Variants in ANO2 observed in about 807,000 individuals in gnomAD.
ANO2 encodes anoctamin-2.
A neutral mutation model predicts 124.2 loss-of-function variants in ANO2; 101 were observed. That is an observed-to-expected ratio of 0.81 (90% CI 0.69 to 0.96). ANO2 has a LOEUF of 0.96. Among genes scored for constraint, ANO2 ranks in the 40% least tolerant of loss-of-function variants. The pLI is 0.00. For missense variants in ANO2, 1,293 were observed against 1,274.5 expected (o/e 1.01, Z -0.22); for synonymous variants, 486 against 482.5 (o/e 1.01, Z -0.09).
intron 23 of ANO2, among the ~76,000 whole-genome samples, chr12:5,565,926 A>C (rs568225597): frequency 2.4e-4 from 37 of 152,362 alleles, no homozygotes; most frequent in African/African-American, 7.2e-4. Context: ...CCCAAAGCTT[A>C]CTTTGGTGTC....
intron 14 of ANO2, among the ~76,000 whole-genome samples, chr12:5,714,725 T>A (rs577172471): frequency 2.0e-5 from 3 of 152,334 alleles, no homozygotes; most frequent in Admixed American, 2.0e-4. Context: ...TAGACACGAT[T>A]AAGAATTTAC....
At chr12:5,857,952 C>T (rs1470342236) in intron 3 of ANO2, among the ~76,000 whole-genome samples, 1 of 152,110 alleles carries the variant, frequency 6.6e-6, no homozygotes, top group African/African-American at 2.4e-5. Context: ...TGTTCTCCCT[C>T]ATATGTGGAA....
chr12:5,604,290 A>C (rs1944102789), intron 19 of ANO2, among the ~76,000 whole-genome samples: 2 of 152,100 alleles, frequency 1.3e-5, no homozygotes, highest in Non-Finnish European at 2.9e-5. Flanking sequence ...GATGAGGAGG[A>C]GGAGGAGGAG....
chr12:5,567,757 A>G (rs563870661), intron 23 of ANO2, among the ~76,000 whole-genome samples: 2 of 152,336 alleles, frequency 1.3e-5, no homozygotes, highest in Admixed American at 1.3e-4. Context: ...GTCCTCCCTC[A>G]GTGTCTAAAA....
chr12:5,635,100 G>T lies in ANO2; in HGVS notation c.1816+52C>A. ...TATTTTATCACCAAAAGCCTTGCAC[G>T]CATTGACTTAAAGAGGGCCTAGGAC... On this transcript the variant is annotated intron_variant, in intron 16 of 24. Coordinates refer to ENST00000682330, the MANE Select transcript of ANO2 (RefSeq NM_001364791.2). The surrounding 1 kb of genome is among the most constrained non-coding windows in gnomAD (Gnocchi z 5.2). 1.4e-6 allele frequency: 2 copies of T among 1,436,706 alleles called. No individual in the cohort carries two copies. The highest frequency in any genetic ancestry group is 1.9e-6 in the Non-Finnish European group (2 of 1,078,530). The allele number at this position is 1,436,706 out of a possible 1,614,324, so 89.0% of individuals were successfully genotyped here.
chr12:5,713,000 A>AT (rs1312472574), intron 14 of ANO2, among the ~76,000 whole-genome samples: 2 of 152,170 alleles, frequency 1.3e-5, no homozygotes, highest in Non-Finnish European at 2.9e-5. Context: ...GCATGAGAGG[A>AT]TTTTAATCAA....
chr12:5,682,101 G>A (rs915140476), intron 14 of ANO2, among the ~76,000 whole-genome samples: 13 of 152,190 alleles, frequency 8.5e-5, no homozygotes, highest in African/African-American at 3.1e-4. Context: ...ATGTAGATCA[G>A]TGGCTCTTGA....
intron 22 of ANO2, 142 bp from the exon 23 acceptor site, chr12:5,576,157 C>T: frequency 2.5e-6 from 2 of 810,110 alleles, no homozygotes; most frequent in Non-Finnish European, 3.6e-6. Flanking sequence ...GCTCATGCAG[C>T]TGAGTCACAT....
chr12:5,693,387 T>C (rs1050647085), intron 14 of ANO2, among the ~76,000 whole-genome samples: 28 of 152,300 alleles, frequency 1.8e-4, no homozygotes, highest in African/African-American at 6.7e-4. Flanking sequence ...TGATTTGCCT[T>C]TGAAACGTAG....
chr12:5,655,542 C>A (rs964900193), intron 14 of ANO2, among the ~76,000 whole-genome samples: 1 of 152,206 alleles, frequency 6.6e-6, no homozygotes, highest in Non-Finnish European at 1.5e-5. Context: ...CTCTCTTAAA[C>A]CATTTCCTTC....
At chr12:5,847,160 G>A (rs556615406) in intron 4 of ANO2, among the ~76,000 whole-genome samples, 118 of 152,252 alleles carry the variant, frequency 7.8e-4, no homozygotes, top group Non-Finnish European at 1.2e-3. Flanking sequence ...GTTGAAGGCC[G>A]GAATAGAACA....
At chr12:5,812,328 G>T (rs1372635251) in intron 7 of ANO2, among the ~76,000 whole-genome samples, 2 of 139,408 alleles carry the variant, frequency 1.4e-5, no homozygotes, top group African/African-American at 2.7e-5. Context: ...AGGGAGGGAG[G>T]GAGGGAAGGA....
intron 3 of ANO2, among the ~76,000 whole-genome samples, chr12:5,867,777 T>TG (rs1304235196): frequency 0.018 from 538 of 29,358 alleles, 5 homozygotes; most frequent in Non-Finnish European, 0.025. Flanking sequence ...AGCACTATAA[T>TG]GAAAAAAAAA....
At chr12:5,766,351 A>G (rs1283604403) in intron 10 of ANO2, among the ~76,000 whole-genome samples, 1 of 152,228 alleles carries the variant, frequency 6.6e-6, no homozygotes, top group African/African-American at 2.4e-5. Flanking sequence ...TAGTCACCCA[A>G]TGGAATATTA....
intron 19 of ANO2, among the ~76,000 whole-genome samples, chr12:5,604,728 C>G (rs972225027): frequency 6.6e-6 from 1 of 152,012 alleles, no homozygotes; most frequent in East Asian, 1.9e-4. Flanking sequence ...TCCTGGATAT[C>G]CCAGTGACCA....
intron 16 of ANO2, among the ~76,000 whole-genome samples, chr12:5,625,443 G>A (rs1168812638): frequency 6.6e-6 from 1 of 152,116 alleles, no homozygotes; most frequent in Non-Finnish European, 1.5e-5. Flanking sequence ...GATAGCACTT[G>A]GACTTTGAAG....
At position 5,647,784 on chromosome 12, in the gene ANO2, C is replaced by T. The variant is rs749585484; in HGVS notation, c.1563G>A (p.Leu521=). 3.0e-5 allele frequency: 48 copies of T among 1,609,718 alleles called. No homozygotes were observed. Among genetic ancestry groups the T allele is most frequent in the Non-Finnish European group, 3.2e-5 (38 of 1,178,302 alleles). ...ECGDEDDEDK[L]TWKDRFPGYL... is the part of the protein sequence containing the mutation. ...AACCTGGGAAACGATCCTTCCAGGT[C>T]AGTTTATCTTCATCATCCTGGGGAG... The change falls in exon 15 of 25, where the codon CTG becomes CTA. Residue 521 remains leucine, a synonymous_variant. Transcript: ENST00000682330.
At chr12:5,943,277 T>G (rs201922577) in intron 1 of ANO2, among the ~76,000 whole-genome samples, 17 of 148,472 alleles carry the variant, frequency 1.1e-4, no homozygotes, top group African/African-American at 2.5e-4. Context: ...GAGTGTGTGT[T>G]TGTGTGTGTG....
chr12:5,827,996 GA>G (rs1338910714), intron 6 of ANO2, among the ~76,000 whole-genome samples, 176 bp from the exon 7 acceptor site: 1 of 152,194 alleles, frequency 6.6e-6, no homozygotes, highest in Non-Finnish European at 1.5e-5. Flanking sequence ...CAGACTTGAG[GA>G]CTTTGAGGAA....
Sources: allele counts gnomAD v4.1 joint callset (sites outside exome capture counted in the v4.1 genomes callset), GRCh38; gene constraint gnomAD v4.1.1; non-coding constraint Gnocchi (gnomAD v3.1); transcripts MANE v1.5; gene names NCBI Gene and HGNC (gene_info 2026-07-23, HGNC 2026-07-21).